Variants in GLIS3 observed in about 807,000 individuals in gnomAD.
The protein encoded by GLIS3 is GLIS family zinc finger 3.
A neutral mutation model predicts 78.6 loss-of-function variants in GLIS3; 53 were observed. The ratio of observed to expected loss-of-function variants is 0.67; its 90% CI spans 0.54 to 0.85. The LOEUF (loss-of-function observed/expected upper bound fraction) is 0.85. Ranked by LOEUF, GLIS3 falls within the 40% of genes least tolerant of loss-of-function variation. The pLI is 0.00. For missense variants in GLIS3, 1,703 were observed against 1,231.1 expected (o/e 1.38, Z -5.74); for synonymous variants, 684 against 509.9 (o/e 1.34, Z -4.60).
Position 4,319,155 on chromosome 9 carries a change from T to C in GLIS3, n.265-8627A>G, listed in dbSNP as rs76800185. Among the ~76,000 whole-genome samples, 10 of 152,314 alleles carry C rather than the reference T, an allele frequency of 6.6e-5. No homozygotes were observed. In the East Asian group the frequency reaches 1.3e-3, roughly 21 times the overall value. On this transcript the variant is annotated intron_variant and non_coding_transcript_variant, in intron 2 of 4. Coordinates refer to the GLIS3 transcript ENST00000471664. ...GAAATGAGTGATCTCAGCTGGATTC[T>C]GAATGAGAAAAAAATCACAAAATTG...
rs147588703 is a variant in GLIS3 at position 3,930,455 on chromosome 9, G to C, written c.1983+1905C>G. On this transcript the variant is annotated intron_variant, in intron 6 of 10. Coordinates refer to ENST00000381971, the MANE Select transcript of GLIS3 (RefSeq NM_001042413.2). ...ATTGTCAATAAAATAATATTTTGCA[G>C]TCTCAAGATATGGTTTTCTTTTTTC... Among the ~76,000 whole-genome samples the C allele has an allele frequency of 4.8e-4, 73 of 152,288 alleles. 2 individuals carry two copies. The highest frequency in any genetic ancestry group is 1.7e-3 in the African/African-American group (70 of 41,558).
intron 2 of GLIS3, among the ~76,000 whole-genome samples, chr9:4,268,816 T>G (rs764311274): frequency 1.7e-4 from 26 of 152,254 alleles, no homozygotes; most frequent in Non-Finnish European, 3.1e-4. Flanking sequence ...TCTCCTCAGC[T>G]CTGGGTCCCA....
At chr9:4,091,115 G>A (rs13289456) in intron 4 of GLIS3, among the ~76,000 whole-genome samples, 41,847 of 152,100 alleles carry the variant, frequency 0.28, 6,480 homozygotes, top group East Asian at 0.46. Flanking sequence ...AACATTTTGG[G>A]AGTCTTGGGT....
intron 7 of GLIS3, among the ~76,000 whole-genome samples, chr9:3,888,464 A>C (rs1822221133): frequency 6.6e-6 from 1 of 152,190 alleles, no homozygotes; most frequent in Non-Finnish European, 1.5e-5. Context: ...TTAATGCACT[A>C]TTATTCTAGC....
At chr9:4,316,941 G>T (rs977396769) in intron 2 of GLIS3, among the ~76,000 whole-genome samples, 1 of 136,508 alleles carries the variant, frequency 7.3e-6, no homozygotes, top group Non-Finnish European at 1.5e-5. Context: ...ATTAGCCGTT[G>T]GTAAAATTGG....
chr9:4,429,933 T>C, the GLIS3 span, among the ~76,000 whole-genome samples: 3 of 152,056 alleles, frequency 2.0e-5, no homozygotes, highest in African/African-American at 7.2e-5. Flanking sequence ...AAAAGGAAAC[T>C]AGAGACATCA....
intron 2 of GLIS3, among the ~76,000 whole-genome samples, chr9:4,188,116 T>A (rs1310029418): frequency 6.6e-6 from 1 of 151,576 alleles, no homozygotes; most frequent in African/African-American, 2.4e-5. Context: ...CCATTCAGTA[T>A]GATATTGGCT....
chr9:3,882,095 G>C (rs912908765), intron 7 of GLIS3, among the ~76,000 whole-genome samples: 2 of 152,134 alleles, frequency 1.3e-5, no homozygotes, highest in Non-Finnish European at 2.9e-5. Context: ...AATATGTATA[G>C]GGTACCTATC....
chr9:4,046,837 A>G (rs1029603612), intron 4 of GLIS3, among the ~76,000 whole-genome samples: 2 of 152,226 alleles, frequency 1.3e-5, no homozygotes, highest in Non-Finnish European at 2.9e-5. Context: ...CAAATAAATG[A>G]AAACTGAAGA....
chr9:4,375,719 C>G, the GLIS3 span, among the ~76,000 whole-genome samples: 1 of 152,166 alleles, frequency 6.6e-6, no homozygotes, highest in Non-Finnish European at 1.5e-5. Context: ...GCACATAAAA[C>G]AAATGTTAAG....
intron 2 of GLIS3, among the ~76,000 whole-genome samples, chr9:4,145,514 A>G (rs1405870163): frequency 6.6e-6 from 1 of 152,200 alleles, no homozygotes; most frequent in African/African-American, 2.4e-5. Flanking sequence ...CAAAGCCCAC[A>G]GGATATCGCA....
intron 4 of GLIS3, among the ~76,000 whole-genome samples, chr9:4,029,902 C>T (rs987123036): frequency 1.3e-5 from 2 of 152,212 alleles, no homozygotes; most frequent in Non-Finnish European, 2.9e-5. Flanking sequence ...CTGCAACAAA[C>T]ATAGGAGTGC....
chr9:4,136,176 C>T (rs1001038039), intron 2 of GLIS3, among the ~76,000 whole-genome samples: 9 of 152,152 alleles, frequency 5.9e-5, no homozygotes, highest in Non-Finnish European at 8.8e-5. Flanking sequence ...ACCTCCATGG[C>T]GCTCACAACC....
chr9:3,975,138 C>T (rs1469439297), intron 4 of GLIS3: 1 of 152,134 alleles, frequency 6.6e-6, no homozygotes, highest in East Asian at 1.9e-4. Context: ...ACATACCTTT[C>T]ATTTTTGTAA....
At chr9:3,924,348 C>T (rs1825083420) in intron 6 of GLIS3, among the ~76,000 whole-genome samples, 1 of 152,168 alleles carries the variant, frequency 6.6e-6, no homozygotes, top group African/African-American at 2.4e-5. Flanking sequence ...CTTCTGGGGC[C>T]CCATGTTTGC....
At chr9:4,372,970 G>T in the GLIS3 span, among the ~76,000 whole-genome samples, 1 of 152,176 alleles carries the variant, frequency 6.6e-6, no homozygotes, top group African/African-American at 2.4e-5. Context: ...CTTGTGCAGT[G>T]ATTGGTACTA....
At chr9:4,317,328 T>A (rs1367452595) in intron 2 of GLIS3, among the ~76,000 whole-genome samples, 2 of 151,820 alleles carry the variant, frequency 1.3e-5, no homozygotes, top group Non-Finnish European at 2.9e-5. Context: ...TTCCAGAGAG[T>A]TTTTTACAGT....
chr9:4,101,205 C>T (rs761438442), intron 4 of GLIS3, among the ~76,000 whole-genome samples: 4 of 152,122 alleles, frequency 2.6e-5, no homozygotes, highest in Non-Finnish European at 4.4e-5. Context: ...AAATTGCAAC[C>T]ATCTTTTCTA....
the GLIS3 span, among the ~76,000 whole-genome samples, chr9:4,413,962 G>A: frequency 4.6e-5 from 7 of 152,126 alleles, no homozygotes; most frequent in Non-Finnish European, 1.0e-4. Context: ...TGCATTTACA[G>A]ACCTGTGGCC....
Sources: gnomAD v4.1 joint callset for allele counts (sites outside exome capture counted in the v4.1 genomes callset) on GRCh38, gnomAD v4.1.1 for gene constraint, MANE v1.5 for transcripts, NCBI Gene and HGNC (gene_info 2026-07-23, HGNC 2026-07-21) for gene names.